The following PCDHA8 variants were observed in gnomAD, a reference collection of about 807,000 sequenced individuals.
PCDHA8 encodes protocadherin alpha-8.
A neutral mutation model predicts 61.8 loss-of-function variants in PCDHA8; 53 were observed. The ratio of observed to expected loss-of-function variants is 0.86; its 90% confidence interval spans 0.69 to 1.08. PCDHA8 has a LOEUF of 1.08. Among genes scored for constraint, PCDHA8 ranks in the 50% least tolerant of loss-of-function variants. The pLI is 0.00. For synonymous variants in PCDHA8, 618 were observed against 556.6 expected (o/e 1.11, Z -1.55); for missense variants, 1,293 against 1,245.0 (o/e 1.04, Z -0.58).
At chr5:140,896,262 T>C (rs2065465092) in intron 1 of PCDHA8, among the ~76,000 whole-genome samples, 2 of 152,258 alleles carry the variant, frequency 1.3e-5, no homozygotes, top group African/African-American at 4.8e-5. Flanking sequence ...TGTACACAGT[T>C]ATGGGATTTG....
chr5:140,875,040 T>G (rs1369679625), intron 1 of PCDHA8, among the ~76,000 whole-genome samples: 1 of 152,234 alleles, frequency 6.6e-6, no homozygotes, highest in East Asian at 1.9e-4. Context: ...ATTTGAAAGA[T>G]TTCTACTTTG....
intron 3 of PCDHA8, among the ~76,000 whole-genome samples, chr5:140,995,010 T>A (rs1382186138): frequency 6.6e-6 from 1 of 152,156 alleles, no homozygotes; most frequent in Non-Finnish European, 1.5e-5. Context: ...TTGTTTATAT[T>A]TAGGAAAGAA....
intron 1 of PCDHA8, chr5:140,863,734 C>A: frequency 3.9e-6 from 1 of 256,490 alleles, no homozygotes; most frequent in Non-Finnish European, 7.7e-6. Flanking sequence ...GTAGCTCATG[C>A]CTATTTGTAA....
chr5:141,005,731 A>AAAAAAG (rs2098235322), intron 3 of PCDHA8, among the ~76,000 whole-genome samples: 2 of 149,106 alleles, frequency 1.3e-5, no homozygotes, highest in East Asian at 1.9e-4. Flanking sequence ...AAAAAAAAAA[A>AAAAAAG]GAATGGATGA....
chr5:140,962,034 C>T (rs527918306), intron 1 of PCDHA8, among the ~76,000 whole-genome samples: 1 of 152,172 alleles, frequency 6.6e-6, no homozygotes, highest in South Asian at 2.1e-4. Context: ...CAGGCACCCA[C>T]CACCATGCCT....
intron 1 of PCDHA8, among the ~76,000 whole-genome samples, chr5:140,947,689 G>A (rs1276078725): frequency 2.0e-5 from 3 of 151,490 alleles, no homozygotes; most frequent in African/African-American, 4.8e-5. Context: ...GTCTCAGCAT[G>A]TTCTGTAGTT....
intron 3 of PCDHA8, 146 bp downstream of exon 3, chr5:140,982,709 A>G (rs2096998107): frequency 2.2e-6 from 3 of 1,375,182 alleles, no homozygotes; most frequent in Admixed American, 2.9e-5. Flanking sequence ...ATTTCCTTAC[A>G]TATATGATTA....
intron 1 of PCDHA8, chr5:140,877,743 G>A: frequency 6.2e-7 from 1 of 1,614,148 alleles, no homozygotes; most frequent in Non-Finnish European, 8.5e-7. Context: ...GGAGGCAGAG[G>A]GTGTGCTCTG....
intron 1 of PCDHA8, chr5:140,875,665 C>A: frequency 6.2e-7 from 1 of 1,613,748 alleles, no homozygotes; most frequent in Non-Finnish European, 8.5e-7. Flanking sequence ...GCGCCTGTTC[C>A]GGGTGGCGTC....
At chr5:140,967,166 G>T (rs563863114) in intron 1 of PCDHA8, 1 of 1,611,394 alleles carries the variant, frequency 6.2e-7, no homozygotes, top group South Asian at 1.1e-5. Context: ...GGTGAGCGCC[G>T]TTGAGGTGGA....
In PCDHA8 at chr5:140,842,623, G is replaced by A. The variant is rs1778148921; in HGVS notation, c.1302G>A (p.Ser434=). The change falls in exon 1 of 4, where the codon TCG becomes TCA. Residue 434 remains serine (S), a synonymous_variant. Coordinates refer to ENST00000531613, the MANE Select transcript of PCDHA8 (RefSeq NM_018911.3). ...CCGCGCGGGACGGGGGCTCGCCTTC[G>A]CTGTGGGCCACCGCCAGCTTGTCTG... The part of the protein sequence containing the change: ...VVTARDGGSP[S]LWATASLSVE... The A allele has an allele frequency of 4.4e-6, 7 of 1,579,148 alleles. No individual in the cohort carries two copies. The highest frequency in any genetic ancestry group is 1.7e-4 in the Middle Eastern group (1 of 5,838).
intron 1 of PCDHA8, among the ~76,000 whole-genome samples, chr5:140,878,995 A>G (rs2057802646): frequency 6.6e-6 from 1 of 152,246 alleles, no homozygotes; most frequent in South Asian, 2.1e-4. Context: ...AAATGAGAGT[A>G]TGCCCTAGAA....
At chr5:140,926,117 A>G (rs2082917656) in intron 1 of PCDHA8, among the ~76,000 whole-genome samples, 1 of 152,190 alleles carries the variant, frequency 6.6e-6, no homozygotes, top group Admixed American at 6.5e-5. Flanking sequence ...GGTGCAGGAC[A>G]GACTTCAACC....
At chr5:140,987,565 T>C (rs1407426548) in intron 3 of PCDHA8, among the ~76,000 whole-genome samples, 1 of 152,344 alleles carries the variant, frequency 6.6e-6, no homozygotes, top group East Asian at 1.9e-4. Flanking sequence ...TCTCAGTTTC[T>C]TTCTCTATAA....
At chr5:141,002,491 A>G (rs1244268735) in intron 3 of PCDHA8, among the ~76,000 whole-genome samples, 1 of 152,214 alleles carries the variant, frequency 6.6e-6, no homozygotes, top group Non-Finnish European at 1.5e-5. Flanking sequence ...TGACCTTGTT[A>G]TACAGCTCAG....
At chr5:140,876,455 C>T (rs1554168573) in intron 1 of PCDHA8, 1 of 1,613,874 alleles carries the variant, frequency 6.2e-7, no homozygotes, top group African/African-American at 1.3e-5. Flanking sequence ...AAAGGGATTC[C>T]TTCCATGGCA....
In PCDHA8 at chr5:140,849,253, A is replaced by G. The variant is rs2150433533; in HGVS notation, c.2394+5538A>G. 179 of 1,102,320 alleles carry G rather than the reference A, an allele frequency of 1.6e-4. 8 individuals carry two copies. Among genetic ancestry groups the G allele is most frequent in the Middle Eastern group, 1.5e-3 (5 of 3,306 alleles). The allele number at this position is 1,102,320 out of a possible 1,614,324, so 68.3% of individuals were successfully genotyped here. On this transcript the variant is annotated intron_variant, in intron 1 of 3. Coordinates refer to ENST00000531613, the MANE Select transcript of PCDHA8 (RefSeq NM_018911.3). ...ACCCTGTATACGGTGAAATTACCAG[A>G]AAACGTTTCTATCGGAACGCTGGTG...
At chr5:140,843,944 A>G in intron 1 of PCDHA8, 2 of 570,390 alleles carry the variant, frequency 3.5e-6, no homozygotes, top group Non-Finnish European at 6.2e-6. Flanking sequence ...GTTGGATGAT[A>G]TCCATTTTTT....
At chr5:140,876,793 G>A (rs782321220) in intron 1 of PCDHA8, 2 of 1,614,240 alleles carry the variant, frequency 1.2e-6, no homozygotes, top group Non-Finnish European at 1.7e-6. Context: ...CACGGCTAGA[G>A]TGTCCGTGGA....
Sources: allele counts gnomAD v4.1 joint callset (sites outside exome capture counted in the v4.1 genomes callset), GRCh38; gene constraint gnomAD v4.1.1; transcripts MANE v1.5; gene names NCBI Gene and HGNC (gene_info 2026-07-23, HGNC 2026-07-21).